Variants in PLCB4 observed in about 807,000 individuals in gnomAD.
The protein encoded by PLCB4 is phospholipase C beta 4.
Under a neutral mutation model 178.8 loss-of-function variants are expected in PLCB4, and 77 were observed. That is an observed-to-expected ratio of 0.43 (90% CI 0.36 to 0.52). The LOEUF (loss-of-function observed/expected upper bound fraction) is 0.52, where lower values mean the gene tolerates loss of function less well. PLCB4 is among the 20% of genes least tolerant of loss of function. The pLI is 0.00. For missense variants in PLCB4, 1,024 were observed against 1,453.4 expected (o/e 0.70, Z 4.80); for synonymous variants, 496 against 490.8 (o/e 1.01, Z -0.14).
chr20:9,293,622 TATTC>T (rs4053132), intron 3 of PLCB4, among the ~76,000 whole-genome samples: 47 of 150,866 alleles, frequency 3.1e-4, no homozygotes, highest in Middle Eastern at 3.4e-3. Context: ...CAGAGTAAAA[TATTC>T]ATTCATTCAT....
At chr20:9,447,407 T>TTA (rs1330642841) in intron 32 of PLCB4, among the ~76,000 whole-genome samples, 1 of 152,148 alleles carries the variant, frequency 6.6e-6, no homozygotes, top group Non-Finnish European at 1.5e-5. Flanking sequence ...CCTCTCTGCT[T>TTA]TATGTGGTCT....
intron 2 of PLCB4, among the ~76,000 whole-genome samples, chr20:9,161,301 G>A (rs531657383): frequency 2.0e-5 from 3 of 152,278 alleles, no homozygotes; most frequent in African/African-American, 7.2e-5. Flanking sequence ...GCATTTTATA[G>A]TTAGCATTTA....
intron 3 of PLCB4, among the ~76,000 whole-genome samples, chr20:9,240,762 C>T (rs1044562768): frequency 5.3e-5 from 8 of 151,936 alleles, no homozygotes; most frequent in African/African-American, 1.9e-4. Context: ...TCTGTCAGTT[C>T]TCTTTGTTAT....
intron 1 of PLCB4, among the ~76,000 whole-genome samples, chr20:9,085,297 C>T (rs2090359771): frequency 6.6e-6 from 1 of 151,952 alleles, no homozygotes; most frequent in Non-Finnish European, 1.5e-5. Context: ...ATGAAATGAC[C>T]ACTGGTTTGG....
At chr20:9,405,387 C>G (rs1296418739) in intron 21 of PLCB4, 39 bp downstream of exon 21, 2 of 1,242,022 alleles carry the variant, frequency 1.6e-6, no homozygotes, top group East Asian at 5.1e-5. Context: ...AAATCAGATG[C>G]ATCTAATTTA....
intron 9 of PLCB4, among the ~76,000 whole-genome samples, chr20:9,367,391 C>A (rs2148269915): frequency 6.6e-6 from 1 of 152,242 alleles, no homozygotes; most frequent in South Asian, 2.1e-4. Context: ...AGCAAGTCAA[C>A]TTTTAGTCTG....
At chr20:9,089,295 A>G (rs2090573412) in intron 1 of PLCB4, among the ~76,000 whole-genome samples, 1 of 152,074 alleles carries the variant, frequency 6.6e-6, no homozygotes, top group African/African-American at 2.4e-5. Context: ...CCTAATTAAA[A>G]GGAGATTATA....
At chr20:9,393,515 C>A in intron 17 of PLCB4, 73 bp from the exon 18 acceptor site, 2 of 998,678 alleles carry the variant, frequency 2.0e-6, no homozygotes, top group Non-Finnish European at 3.1e-6. Context: ...GCCTCCCAGG[C>A]TCCTCCTGGA....
chr20:9,361,414 G>T lies in PLCB4; in HGVS notation c.370-1482G>T, dbSNP rs540851572. Among the ~76,000 whole-genome samples, 14 of 152,262 alleles carry T rather than the reference G, an allele frequency of 9.2e-5. No individual in the cohort carries two copies. The East Asian group carries it at 2.7e-3, about 29-fold the overall frequency. On this transcript the variant is annotated intron_variant, in intron 7 of 39. Coordinates refer to ENST00000378473, the MANE Select transcript of PLCB4 (RefSeq NM_001377142.1). ...TTCTGTATGGTTCCATTTATATGAG[G>T]CACCTAGCATAGTCAGAATCACAGA...
intron 2 of PLCB4, among the ~76,000 whole-genome samples, chr20:9,169,040 G>A (rs1317411879): frequency 6.6e-6 from 1 of 152,098 alleles, no homozygotes; most frequent in Admixed American, 6.5e-5. Context: ...CTGCCCTCAT[G>A]TCCTGCCAAT....
chr20:9,329,416 T>A (rs1329384725), intron 4 of PLCB4, among the ~76,000 whole-genome samples: 1 of 152,172 alleles, frequency 6.6e-6, no homozygotes, highest in Non-Finnish European at 1.5e-5. Context: ...GGGAGGATAA[T>A]AAGTTAATGT....
intron 12 of PLCB4, among the ~76,000 whole-genome samples, chr20:9,379,137 A>T (rs1416201016): frequency 6.6e-6 from 1 of 152,168 alleles, no homozygotes; most frequent in Non-Finnish European, 1.5e-5. Flanking sequence ...CTGACCAGGG[A>T]CACAGTGCTG....
At chr20:9,151,483 C>T (rs2092690173) in intron 2 of PLCB4, among the ~76,000 whole-genome samples, 1 of 152,090 alleles carries the variant, frequency 6.6e-6, no homozygotes, top group African/African-American at 2.4e-5. Context: ...GTGTTATTCT[C>T]ATGGTAGTGA....
chr20:9,387,489 GA>G lies in PLCB4; in HGVS notation c.1095del (p.Gly366ValfsTer7). 3.8e-6 allele frequency: 6 copies of G among 1,596,844 alleles called. No homozygotes were observed. Among genetic ancestry groups the G allele is most frequent in the Admixed American group, 3.4e-5 (2 of 59,374 alleles). ...TGTGTTGAACTTGACTGCTGGGATGGAAAAGGTGAAGACCAAGAACCAATAA... is the reference window on the plus strand; with the variant it reads ...TGTGTTGAACTTGACTGCTGGGATGGAAAGGTGAAGACCAAGAACCAATAA... The part of the protein sequence containing the change: ...CRCVELDCWD[G>X]KGEDQEPIIT... On this transcript the variant is annotated frameshift_variant, in exon 15 of 40. Transcript: ENST00000378473. LOFTEE classifies it high-confidence loss of function.
chr20:9,136,379 A>G (rs1339873275), intron 2 of PLCB4, among the ~76,000 whole-genome samples: 1 of 152,046 alleles, frequency 6.6e-6, no homozygotes, highest in African/African-American at 2.4e-5. Context: ...TGGGCAACTG[A>G]GGCTCCTCTG....
intron 3 of PLCB4, among the ~76,000 whole-genome samples, chr20:9,281,511 A>G (rs76464004): frequency 0.035 from 5,277 of 152,126 alleles, 333 homozygotes; most frequent in African/African-American, 0.12. Flanking sequence ...ACTCCAAATC[A>G]GAGTTTCAAA....
chr20:9,467,899 G>A (rs984992186), intron 35 of PLCB4, among the ~76,000 whole-genome samples: 55 of 152,312 alleles, frequency 3.6e-4, no homozygotes, highest in African/African-American at 8.2e-4. Flanking sequence ...AGCATTTTAA[G>A]TTTTATTCCT....
intron 2 of PLCB4, among the ~76,000 whole-genome samples, chr20:9,158,076 G>T (rs1436216539): frequency 6.6e-6 from 1 of 152,124 alleles, no homozygotes; most frequent in Non-Finnish European, 1.5e-5. Context: ...GGGAACCAAG[G>T]CACAAGGATT....
chr20:9,228,205 C>G (rs573628023), intron 3 of PLCB4, among the ~76,000 whole-genome samples: 1 of 152,298 alleles, frequency 6.6e-6, no homozygotes, highest in Admixed American at 6.5e-5. Flanking sequence ...TTTGCCTGTA[C>G]TAGTTATTGC....
Sources: allele counts gnomAD v4.1 joint callset (sites outside exome capture counted in the v4.1 genomes callset), GRCh38; gene constraint gnomAD v4.1.1; transcripts MANE v1.5; gene names NCBI Gene and HGNC (gene_info 2026-07-23, HGNC 2026-07-21).